The following BACE1 variants were observed in gnomAD, a reference collection of about 807,000 sequenced individuals.
BACE1 encodes the protein APP beta-secretase.
In BACE1, 21 loss-of-function variants were observed where a neutral mutation model predicts 54.0. The observed-to-expected ratio is 0.39, with a 90% CI of 0.28 to 0.56. BACE1 has a LOEUF of 0.56. Among genes scored for constraint, BACE1 ranks in the 20% least tolerant of loss-of-function variants. The pLI is 0.63. For synonymous variants in BACE1, 232 were observed against 260.9 expected, an observed-to-expected ratio of 0.89 and a Z score of 1.07; for missense variants, 511 against 661.2, an observed-to-expected ratio of 0.77 and a Z score of 2.49.
intron 1 of BACE1, among the ~76,000 whole-genome samples, chr11:117,306,822 A>G (rs944260601): frequency 8.5e-5 from 13 of 152,132 alleles, no homozygotes; most frequent in African/African-American, 3.1e-4. Context: ...AGAAAAAAAA[A>G]GAAAAAAGGC....
chr11:117,292,183 T>G (rs2034461743), intron 5 of BACE1: 3 of 19,680 alleles, frequency 1.5e-4, no homozygotes, highest in Non-Finnish European at 2.1e-4. Context: ...TTTCTTTTCT[T>G]TTTTTTTTTT....
intron 1 of BACE1, among the ~76,000 whole-genome samples, chr11:117,314,886 T>A (rs1481386974): frequency 6.8e-6 from 1 of 147,296 alleles, no homozygotes; most frequent in African/African-American, 2.5e-5. Context: ...AGTTCCCCTC[T>A]GGCCTGGGGA....
chr11:117,307,280 T>TG (rs2034851043), intron 1 of BACE1, among the ~76,000 whole-genome samples: 1 of 152,084 alleles, frequency 6.6e-6, no homozygotes, highest in Non-Finnish European at 1.5e-5. Flanking sequence ...AGTCATTAGG[T>TG]ATGGGGGCTT....
intron 1 of BACE1, among the ~76,000 whole-genome samples, chr11:117,312,034 G>A (rs779321940): frequency 6.6e-6 from 1 of 152,198 alleles, no homozygotes; most frequent in Non-Finnish European, 1.5e-5. Flanking sequence ...CCTTATATCT[G>A]AAGGCCAAAG....
Position 117,289,767 on chromosome 11 carries a change from A to G in BACE1, c.1305T>C (p.Phe435=), listed in dbSNP as rs1283031239. 6.2e-7 allele frequency: 1 copy of G among 1,614,220 alleles called. No individual in the cohort carries two copies. The highest frequency in any genetic ancestry group is 2.2e-5 in the East Asian group (1 of 44,894). ...EFRTAAVEGP[F]VTLDMEDCGY... ...CACAGTCTTCCATGTCCAAGGTGACAAAAGGGCCTTCCACCGCTGCCGTCC... is the reference window on the plus strand; with the variant it reads ...CACAGTCTTCCATGTCCAAGGTGACGAAAGGGCCTTCCACCGCTGCCGTCC... Residue 435 remains phenylalanine (F), a synonymous_variant, in exon 9 of 9, where the codon TTT becomes TTC. Coordinates refer to ENST00000313005, the MANE Select transcript of BACE1 (RefSeq NM_012104.6).
intron 1 of BACE1, among the ~76,000 whole-genome samples, chr11:117,312,348 A>G (rs147596788): frequency 6.6e-6 from 1 of 152,186 alleles, no homozygotes; most frequent in Non-Finnish European, 1.5e-5. Flanking sequence ...ACTCCTGTCC[A>G]TCCTTCAAGA....
intron 1 of BACE1, among the ~76,000 whole-genome samples, chr11:117,298,001 C>T (rs934973445): frequency 2.0e-5 from 3 of 152,136 alleles, no homozygotes; most frequent in African/African-American, 7.2e-5. Context: ...TCAACATGGC[C>T]TTAGAAATGC....
intron 1 of BACE1, among the ~76,000 whole-genome samples, chr11:117,300,560 C>T (rs562992155): frequency 3.3e-5 from 5 of 152,294 alleles, no homozygotes; most frequent in East Asian, 1.9e-4. Context: ...GCAGAGGCAG[C>T]GGTGGAGGGG....
intron 1 of BACE1, among the ~76,000 whole-genome samples, chr11:117,303,302 C>A (rs1299159635): frequency 6.6e-6 from 1 of 152,144 alleles, no homozygotes; most frequent in African/African-American, 2.4e-5. Context: ...AGCCTGGGGT[C>A]AGAACTAGGT....
intron 5 of BACE1, 102 bp from the exon 6 acceptor site, chr11:117,291,915 G>T: frequency 1.4e-6 from 1 of 724,294 alleles, no homozygotes; most frequent in Non-Finnish European, 2.5e-6. Flanking sequence ...TTGGCATCTT[G>T]GCTTTGGCAC....
At position 117,313,964 on chromosome 11, in the gene BACE1, G is replaced by C. The variant is rs544847218; in HGVS notation, c.261+1571C>G. ...CATTTCCTACTCATTTTAAAGATATGACAGTAGTTTCAGAGAGGTTATGCA... is the reference window on the plus strand; with the variant it reads ...CATTTCCTACTCATTTTAAAGATATCACAGTAGTTTCAGAGAGGTTATGCA... On this transcript the variant is annotated intron_variant, in intron 1 of 8. Coordinates refer to ENST00000313005, the MANE Select transcript of BACE1 (RefSeq NM_012104.6). 2.0e-5 allele frequency among the ~76,000 whole-genome samples: 3 copies of C among 152,262 alleles called. No individual in the cohort carries two copies. In the South Asian group the frequency reaches 6.2e-4, roughly 32 times the overall value.
chr11:117,310,684 G>T lies in BACE1; in HGVS notation c.261+4851C>A, dbSNP rs1026258503. Among the ~76,000 whole-genome samples the T allele has an allele frequency of 1.1e-4, 16 of 152,194 alleles. No individual in the cohort carries two copies. In the South Asian group the frequency reaches 1.2e-3, roughly 12 times the overall value. ...GATCCTCCTGCCTCAGCCTCCCAAAGTGCTGGGATTACAGGCGTGAGCCAC... is the reference window on the plus strand; with the variant it reads ...GATCCTCCTGCCTCAGCCTCCCAAATTGCTGGGATTACAGGCGTGAGCCAC... On this transcript the variant is annotated intron_variant, in intron 1 of 8. Coordinates refer to ENST00000313005, the MANE Select transcript of BACE1 (RefSeq NM_012104.6).
chr11:117,288,974 C>T lies in BACE1; in HGVS notation c.*592G>A, dbSNP rs1021419184. 2 of 153,626 alleles carry T rather than the reference C, an allele frequency of 1.3e-5. No individual in the cohort carries two copies. The highest frequency in any genetic ancestry group is 4.8e-5 in the African/African-American group (2 of 41,410). The allele number at this position is 153,626 out of a possible 1,614,324, so 9.5% of individuals were successfully genotyped here. On this transcript the variant is annotated 3_prime_UTR_variant, in exon 9 of 9. Coordinates refer to ENST00000313005, the MANE Select transcript of BACE1 (RefSeq NM_012104.6). The stretch of plus-strand genomic sequence containing the variant: ...CCCTGTCTTTGTACTCCCTCTCCTT[C>T]TCCTCTTTCCAGCCGCCCCCATTTG...
intron 1 of BACE1, chr11:117,297,186 T>G (rs189216248): frequency 2.9e-5 from 14 of 482,780 alleles, no homozygotes; most frequent in Admixed American, 2.5e-4. Context: ...CCCTGTGCCC[T>G]CTGCAGGTCT....
chr11:117,308,519 GTTC>G (rs1281578816), intron 1 of BACE1, among the ~76,000 whole-genome samples: 6 of 152,104 alleles, frequency 3.9e-5, no homozygotes, highest in Admixed American at 1.3e-4. Flanking sequence ...CCCCTACTCT[GTTC>G]TTCTTAACAG....
At chr11:117,297,753 T>G (rs1298213781) in intron 1 of BACE1, among the ~76,000 whole-genome samples, 1 of 152,246 alleles carries the variant, frequency 6.6e-6, no homozygotes, top group African/African-American at 2.4e-5. Context: ...ACAGGTGATG[T>G]ATGTGTCTTT....
rs1370202510 is a variant in BACE1, at chr11:117,287,636, A to G, written c.*1930T>C. ...ACATGGGTAGAAATTATAAAGCAAA[A>G]TGTGGCATTTTCACTTCATGGTAGC... On this transcript the variant is annotated 3_prime_UTR_variant, in exon 9 of 9. Coordinates refer to ENST00000313005, the MANE Select transcript of BACE1 (RefSeq NM_012104.6). 6.6e-6 allele frequency: 1 copy of G among 152,474 alleles called. No homozygotes were observed. The highest frequency in any genetic ancestry group is 1.5e-5 in the Non-Finnish European group (1 of 68,026). The allele number at this position is 152,474 out of a possible 1,614,324, so 9.4% of individuals were successfully genotyped here.
At chr11:117,292,048 TA>T (rs750944353) in intron 5 of BACE1, 26 of 306,434 alleles carry the variant, frequency 8.5e-5, no homozygotes, top group Non-Finnish European at 1.5e-4. Flanking sequence ...ATCAGCAATG[TA>T]AAGCACTTAG....
At position 117,295,245 on chromosome 11, in the gene BACE1, G is replaced by A; in HGVS notation, c.453C>T (p.Gly151=). Residue 151 remains glycine (G), a synonymous_variant, in exon 3 of 9, where the codon GGC becomes GGT. Coordinates refer to ENST00000313005, the MANE Select transcript of BACE1 (RefSeq NM_012104.6). ...LGTDLVSIPH[G]PNVTVRANIA... ...TGTTGGCACGCACAGTGACGTTGGG[G>A]CCATGGGGGATGCTTACCAGGTCGG... The A allele has an allele frequency of 6.2e-7, 1 of 1,614,194 alleles. No individual in the cohort carries two copies. Among genetic ancestry groups the A allele is most frequent in the Non-Finnish European group, 8.5e-7 (1 of 1,180,040 alleles).
Sources: gnomAD v4.1 joint callset for allele counts (sites outside exome capture counted in the v4.1 genomes callset) on GRCh38, gnomAD v4.1.1 for gene constraint, MANE v1.5 for transcripts, NCBI Gene and HGNC (gene_info 2026-07-23, HGNC 2026-07-21) for gene names.